LZTS1: variants seen among roughly 807,000 people sequenced by gnomAD.
The protein encoded by LZTS1 is leucine zipper tumor suppressor 1.
LZTS1 carries 31 observed loss-of-function variants against 45.8 expected under a neutral mutation model. The observed-to-expected ratio is 0.68, with a 90% CI of 0.51 to 0.91. The LOEUF (loss-of-function observed/expected upper bound fraction) is 0.91, where lower values mean the gene tolerates loss of function less well. LZTS1 is among the 40% of genes least tolerant of loss of function. LZTS1 has a pLI of 0.00. For missense variants in LZTS1, 821 were observed against 788.9 expected, an observed-to-expected ratio of 1.04 and a Z score of -0.49; for synonymous variants, 359 against 357.3, an observed-to-expected ratio of 1.00 and a Z score of -0.05.
At chr8:20,285,739 T>C (rs939448486) in intron 1 of LZTS1, among the ~76,000 whole-genome samples, 8 of 152,202 alleles carry the variant, frequency 5.3e-5, no homozygotes, top group South Asian at 2.1e-4. Context: ...CCAAGACCAT[T>C]TGGTGAAGAA....
chr8:20,260,985 G>A (rs1047087453), intron 1 of LZTS1, among the ~76,000 whole-genome samples: 2 of 152,122 alleles, frequency 1.3e-5, no homozygotes, highest in Admixed American at 6.6e-5. Context: ...CACAAAACTC[G>A]GCTGTGTTCC....
rs1799760526 is a variant in LZTS1 at position 20,247,324 on chromosome 8, C to A, written c.*2398G>T. The A allele has an allele frequency of 1.3e-5, 2 of 150,334 alleles. No individual in the cohort carries two copies. Among genetic ancestry groups the A allele is most frequent in the African/African-American group, 2.5e-5 (1 of 40,430 alleles). 9.3% of individuals were successfully genotyped at this position (150,334 alleles called of 1,614,324 possible). ...GCAACGTCTGAGGCAGAGCACTGGACTCTGACTGCTCTTTCCTGGAGTTGG... is the reference window on the plus strand; with the variant it reads ...GCAACGTCTGAGGCAGAGCACTGGAATCTGACTGCTCTTTCCTGGAGTTGG... On this transcript the variant is annotated 3_prime_UTR_variant, in exon 4 of 4. Transcript: ENST00000381569.
intron 1 of LZTS1, among the ~76,000 whole-genome samples, chr8:20,262,929 C>T (rs34608025): frequency 0.024 from 3,584 of 152,268 alleles, 114 homozygotes; most frequent in East Asian, 0.1. Flanking sequence ...GGACATGCTA[C>T]GTAACCTCTC....
At chr8:20,253,894 G>T (rs1465564040) in intron 2 of LZTS1, among the ~76,000 whole-genome samples, 1 of 152,148 alleles carries the variant, frequency 6.6e-6, no homozygotes, top group Non-Finnish European at 1.5e-5. Context: ...CTAGGTCTCT[G>T]TGTGGGGCAA....
intron 1 of LZTS1, among the ~76,000 whole-genome samples, chr8:20,296,930 G>A (rs1800988323): frequency 6.6e-6 from 1 of 152,138 alleles, no homozygotes; most frequent in African/African-American, 2.4e-5. Context: ...TCACCTCTCT[G>A]CTGGATTGAT....
intron 1 of LZTS1, among the ~76,000 whole-genome samples, chr8:20,262,206 TGCCAAGTA>T (rs1477008269): frequency 6.6e-6 from 1 of 152,240 alleles, no homozygotes; most frequent in Non-Finnish European, 1.5e-5. Context: ...ATAACTGCTG[TGCCAAGTA>T]GCCTGTTGGC....
At chr8:20,292,925 C>T (rs529554178) in intron 1 of LZTS1, among the ~76,000 whole-genome samples, 249 of 152,308 alleles carry the variant, frequency 1.6e-3, no homozygotes, top group Non-Finnish European at 2.9e-3. Context: ...TAAAAGCCCT[C>T]TGTGATTTCT....
chr8:20,262,786 T>C (rs13260298), intron 1 of LZTS1, among the ~76,000 whole-genome samples: 132,131 of 152,090 alleles, frequency 0.87, 57,682 homozygotes, highest in East Asian at 0.98. Flanking sequence ...TGAATGCACA[T>C]GACAGCCCCA....
At chr8:20,276,952 A>G (rs755187597) in intron 1 of LZTS1, among the ~76,000 whole-genome samples, 9 of 152,208 alleles carry the variant, frequency 5.9e-5, no homozygotes, top group Non-Finnish European at 7.3e-5. Context: ...TGTCAGAGGC[A>G]TTTGAACCAG....
rs1345525725 is a variant in LZTS1, at chr8:20,253,336, G to A, written c.595C>T (p.Pro199Ser). 1.2e-6 allele frequency: 2 copies of A among 1,613,736 alleles called. No homozygotes were observed. The highest frequency in any genetic ancestry group is 1.3e-5 in the African/African-American group (1 of 75,080). ...SSYQLDPLVT[P>S]VGPTSRFGGS... ...CCAAAACGGCTTGTGGGTCCCACGG[G>A]TGTGACCAGCGGGTCCAGCTGGTAG... Residue 199 changes from proline (P) to serine (S), a missense_variant, in exon 3 of 4, where the codon CCC becomes TCC. Physicochemically the swap from Pro to Ser is moderately conservative, Grantham distance 74. Transcript: ENST00000381569.
intron 1 of LZTS1, among the ~76,000 whole-genome samples, chr8:20,277,704 A>G (rs1222034262): frequency 6.6e-6 from 1 of 152,204 alleles, no homozygotes; most frequent in Non-Finnish European, 1.5e-5. Flanking sequence ...CAGCAACTCC[A>G]GGTGGGCGAA....
intron 1 of LZTS1, among the ~76,000 whole-genome samples, chr8:20,266,184 G>A (rs1055199044): frequency 6.6e-6 from 1 of 152,050 alleles, no homozygotes; most frequent in African/African-American, 2.4e-5. Context: ...CACCATAACT[G>A]TCTAATTTTT....
At chr8:20,302,149 A>T (rs1224283577) in intron 1 of LZTS1, among the ~76,000 whole-genome samples, 2 of 152,132 alleles carry the variant, frequency 1.3e-5, no homozygotes, top group African/African-American at 2.4e-5. Flanking sequence ...TGGCAGGCAC[A>T]GAGAGCCCAC....
At chr8:20,294,223 T>G (rs1585304378) in intron 1 of LZTS1, among the ~76,000 whole-genome samples, 1 of 152,304 alleles carries the variant, frequency 6.6e-6, no homozygotes, top group East Asian at 1.9e-4. Context: ...AAGTCCAACA[T>G]CAAGAAAAAG....
intron 1 of LZTS1, among the ~76,000 whole-genome samples, chr8:20,297,825 C>T (rs908665293): frequency 2.6e-5 from 4 of 152,266 alleles, no homozygotes; most frequent in African/African-American, 9.6e-5. Context: ...CGAATGCCCT[C>T]ATCATGCTTG....
intron 1 of LZTS1, among the ~76,000 whole-genome samples, chr8:20,295,400 G>T (rs537890995): frequency 6.6e-6 from 1 of 152,300 alleles, no homozygotes; most frequent in East Asian, 1.9e-4. Context: ...ATTCCCTTGT[G>T]ATTCCATCTC....
chr8:20,253,717 T>C (rs1210428942), intron 2 of LZTS1, 132 bp from the exon 3 acceptor site: 1 of 626,440 alleles, frequency 1.6e-6, no homozygotes, highest in East Asian at 2.8e-5. Flanking sequence ...TCTTGGTCAA[T>C]TGTCTCAGCA....
At chr8:20,267,513 T>A (rs1203528928) in intron 1 of LZTS1, among the ~76,000 whole-genome samples, 1 of 151,994 alleles carries the variant, frequency 6.6e-6, no homozygotes, top group Admixed American at 6.6e-5. Context: ...CAGACACTTG[T>A]TTTTTTGCTT....
At chr8:20,294,407 G>A (rs995143298) in intron 1 of LZTS1, among the ~76,000 whole-genome samples, 2 of 152,224 alleles carry the variant, frequency 1.3e-5, no homozygotes, top group African/African-American at 2.4e-5. Flanking sequence ...GGCCAGCTGC[G>A]GGCCTGGCAA....
Sources: allele counts gnomAD v4.1 joint callset (sites outside exome capture counted in the v4.1 genomes callset), GRCh38; gene constraint gnomAD v4.1.1; transcripts MANE v1.5; gene names NCBI Gene and HGNC (gene_info 2026-07-23, HGNC 2026-07-21).